The following CPLX1 variants were observed in gnomAD, a reference collection of about 807,000 sequenced individuals.
CPLX1 encodes the protein complexin 1, also known as complexin-1.
In CPLX1, 6 loss-of-function variants were observed where a neutral mutation model predicts 15.6. The observed-to-expected ratio is 0.39, with a 90% CI of 0.21 to 0.76. The LOEUF is 0.76. Among genes scored for constraint, CPLX1 ranks in the 30% least tolerant of loss-of-function variants. The pLI is 0.43. For missense variants in CPLX1, 242 were observed against 188.6 expected, an observed-to-expected ratio of 1.28 and a Z score of -1.66; for synonymous variants, 91 against 75.2, an observed-to-expected ratio of 1.21 and a Z score of -1.08.
At chr4:793,764 T>C (rs1192100175) in intron 2 of CPLX1, among the ~76,000 whole-genome samples, 6 of 152,160 alleles carry the variant, frequency 3.9e-5, no homozygotes, top group Non-Finnish European at 1.5e-5. Context: ...TGCTCCTCAG[T>C]GGTGAGGCAC....
chr4:822,837 C>T (rs1171840271), intron 2 of CPLX1, among the ~76,000 whole-genome samples: 1 of 149,676 alleles, frequency 6.7e-6, no homozygotes, highest in African/African-American at 2.5e-5. Flanking sequence ...AAGCCCCCCA[C>T]CAGCTCCCGC....
chr4:793,834 T>A (rs1003754242), intron 2 of CPLX1, among the ~76,000 whole-genome samples: 2 of 152,152 alleles, frequency 1.3e-5, no homozygotes, highest in African/African-American at 4.8e-5. Flanking sequence ...ATGCCAGACC[T>A]CCTAAGGACT....
intron 3 of CPLX1, among the ~76,000 whole-genome samples, chr4:791,342 C>T (rs1438816387): frequency 7.1e-6 from 1 of 141,080 alleles, no homozygotes; most frequent in Non-Finnish European, 1.5e-5. Flanking sequence ...CTCCAGGGTG[C>T]ATGGCGGTGG....
intron 2 of CPLX1, among the ~76,000 whole-genome samples, chr4:808,231 AATAAATAC>A (rs1198996950): frequency 1.3e-5 from 2 of 151,196 alleles, no homozygotes; most frequent in African/African-American, 4.9e-5. Flanking sequence ...ACCCTGGCTC[AATAAATAC>A]ATAAATAAAT....
At chr4:822,576 C>T (rs537725553) in intron 2 of CPLX1, among the ~76,000 whole-genome samples, 27 of 152,224 alleles carry the variant, frequency 1.8e-4, no homozygotes, top group Admixed American at 1.0e-3. Flanking sequence ...TTTCTGGGTT[C>T]GCCTTTCTTT....
intron 2 of CPLX1, among the ~76,000 whole-genome samples, chr4:821,014 G>A (rs1746852174): frequency 6.6e-6 from 1 of 152,032 alleles, no homozygotes; most frequent in African/African-American, 2.4e-5. Context: ...TCCCCCTCAC[G>A]CCAAACCCAG....
At chr4:808,857 A>G (rs1228769437) in intron 2 of CPLX1, among the ~76,000 whole-genome samples, 1 of 152,282 alleles carries the variant, frequency 6.6e-6, no homozygotes, top group East Asian at 1.9e-4. Context: ...GGATTCTTTC[A>G]AACATTCAAG....
chr4:787,016 T>C, intron 3 of CPLX1: 1 of 985,338 alleles, frequency 1.0e-6, no homozygotes, highest in Non-Finnish European at 1.2e-6. Flanking sequence ...CCTGGCATCC[T>C]GCCTTCCAGG....
At chr4:813,748 T>C (rs1178317454) in intron 2 of CPLX1, among the ~76,000 whole-genome samples, 1 of 152,082 alleles carries the variant, frequency 6.6e-6, no homozygotes, top group Non-Finnish European at 1.5e-5. Flanking sequence ...ACAGAATCCA[T>C]TTCTGGGGAG....
intron 3 of CPLX1, 66 bp from the exon 4 acceptor site, chr4:786,764 C>T (rs80187089): frequency 0.064 from 96,936 of 1,518,370 alleles, 3,843 homozygotes; most frequent in South Asian, 0.15. Context: ...AGCCTCCCTG[C>T]GCCAGGGACT....
chr4:805,892 C>T (rs963839197), intron 2 of CPLX1, among the ~76,000 whole-genome samples: 1 of 152,100 alleles, frequency 6.6e-6, no homozygotes, highest in Non-Finnish European at 1.5e-5. Flanking sequence ...GATGAGGTCC[C>T]TAGAGTAGCC....
chr4:817,692 T>C (rs186923971), intron 2 of CPLX1, among the ~76,000 whole-genome samples: 68 of 152,308 alleles, frequency 4.5e-4, no homozygotes, highest in African/African-American at 1.6e-3. Flanking sequence ...CCCTACCCAC[T>C]GATGACTGCA....
intron 3 of CPLX1, among the ~76,000 whole-genome samples, chr4:789,493 C>A (rs553214040): frequency 6.6e-6 from 1 of 152,226 alleles, no homozygotes; most frequent in Non-Finnish European, 1.5e-5. Context: ...ACCTCCTAGC[C>A]GCTGTGGGAG....
At chr4:788,241 C>A in intron 3 of CPLX1, 8 of 985,210 alleles carry the variant, frequency 8.1e-6, no homozygotes, top group Non-Finnish European at 9.6e-6. Context: ...GCCCCTCCTT[C>A]CTCCCAAATG....
rs779042489 is a variant in CPLX1, at chr4:792,508, C to T, written c.132G>A (p.Ala44=). The T allele has an allele frequency of 9.9e-6, 16 of 1,613,208 alleles. No individual in the cohort carries two copies. The Admixed American group carries it at 1.7e-4, about 17-fold the overall frequency. The part of the protein sequence containing the change: ...EEERQEALRQ[A]EEERKAKYAK... The stretch of plus-strand genomic sequence containing the variant: ...CGTACTTGGCCTTGCGCTCCTCCTC[C>T]GCCTGGCGCAGCGCCTCCTGCCGCT... The change falls in exon 3 of 4, where the codon GCG becomes GCA. Residue 44 remains alanine (A), a synonymous_variant. Coordinates refer to ENST00000304062, the MANE Select transcript of CPLX1 (RefSeq NM_006651.4).
chr4:804,741 G>C, intron 2 of CPLX1: 1 of 985,434 alleles, frequency 1.0e-6, no homozygotes, highest in Non-Finnish European at 1.2e-6. Context: ...GTGTCACAAA[G>C]AAGTGAAAAC....
At chr4:795,047 G>A (rs546824520) in intron 2 of CPLX1, among the ~76,000 whole-genome samples, 2 of 152,318 alleles carry the variant, frequency 1.3e-5, no homozygotes, top group East Asian at 3.9e-4. Context: ...CCGAGGATTC[G>A]TGCTCCCCGC....
rs1188421298 is a variant in CPLX1, at chr4:792,436, G to C, written c.204C>G (p.Asp68Glu). 1.0e-5 allele frequency: 16 copies of C among 1,578,250 alleles called. No individual in the cohort carries two copies. Among genetic ancestry groups the C allele is most frequent in the Non-Finnish European group, 1.4e-5 (16 of 1,163,590 alleles). The part of the protein sequence containing the change: ...EREAVRQGIR[D>E]KYGIKKKEER... ...GCGGGGCCGGCCCGGCGCGCACCTT[G>C]TCTCGGATGCCCTGGCGCACGGCCT... Residue 68 changes from aspartate to glutamate, a missense_variant, in exon 3 of 4, where the codon GAC becomes GAG. Physicochemically the swap from Asp to Glu is conservative, Grantham distance 45. Transcript: ENST00000304062.
At chr4:804,133 G>C (rs1297933078) in intron 2 of CPLX1, among the ~76,000 whole-genome samples, 1 of 152,234 alleles carries the variant, frequency 6.6e-6, no homozygotes. Context: ...CTTGTGAAGG[G>C]AGATTCCATG....
Sources: gnomAD v4.1 joint callset for allele counts (sites outside exome capture counted in the v4.1 genomes callset) on GRCh38, gnomAD v4.1.1 for gene constraint, MANE v1.5 for transcripts, NCBI Gene and HGNC (gene_info 2026-07-23, HGNC 2026-07-21) for gene names.